NRXN1: variants seen among roughly 807,000 people sequenced by gnomAD.
NRXN1 encodes neurexin-1.
A neutral mutation model predicts 150.9 loss-of-function variants in NRXN1; 39 were observed. That is an observed-to-expected ratio of 0.26 (90% CI 0.20 to 0.34). NRXN1 has a LOEUF of 0.34. Ranked by LOEUF, NRXN1 falls within the 10% of genes least tolerant of loss-of-function variation. The pLI is 1.00. For missense variants in NRXN1, 1,815 were observed against 1,949.9 expected, an observed-to-expected ratio of 0.93 and a Z score of 1.30; for synonymous variants, 924 against 757.0, an observed-to-expected ratio of 1.22 and a Z score of -3.62.
intron 18 of NRXN1, among the ~76,000 whole-genome samples, chr2:50,100,979 G>A (rs1700902498): frequency 6.6e-6 from 1 of 152,026 alleles, no homozygotes; most frequent in Non-Finnish European, 1.5e-5. Context: ...TAGCCTAGTG[G>A]TCTGGCATCA....
intron 18 of NRXN1, among the ~76,000 whole-genome samples, chr2:50,160,129 G>T (rs940660879): frequency 6.6e-6 from 1 of 151,974 alleles, no homozygotes; most frequent in Non-Finnish European, 1.5e-5. Context: ...TTGACATCAA[G>T]AACTAGTACA....
At chr2:50,698,197 A>G (rs1693208355) in intron 5 of NRXN1, among the ~76,000 whole-genome samples, 1 of 152,256 alleles carries the variant, frequency 6.6e-6, no homozygotes, top group South Asian at 2.1e-4. Flanking sequence ...CTCAGTAGAT[A>G]TTCGTTGACA....
At chr2:49,923,140 T>C (rs577071415) in intron 22 of NRXN1, among the ~76,000 whole-genome samples, 2 of 152,310 alleles carry the variant, frequency 1.3e-5, no homozygotes, top group East Asian at 3.9e-4. Flanking sequence ...CTTGAAGGCC[T>C]GGTCAGGCAC....
At chr2:50,774,028 T>C (rs1321197501) in intron 5 of NRXN1, among the ~76,000 whole-genome samples, 1 of 152,150 alleles carries the variant, frequency 6.6e-6, no homozygotes, top group Non-Finnish European at 1.5e-5. Context: ...CATCAGCTCA[T>C]GTTTCCCTAT....
chr2:50,685,758 G>A (rs1261087251), intron 5 of NRXN1, among the ~76,000 whole-genome samples: 1 of 152,038 alleles, frequency 6.6e-6, no homozygotes, highest in Admixed American at 6.6e-5. Context: ...CTTGTACCAT[G>A]TTCTTATTTT....
chr2:50,623,460 A>T lies in NRXN1; in HGVS notation c.988T>A (p.Tyr330Asn). Reference protein sequence around the residue: ...LMLHTGKSADYVNLALKNGAV... With the variant: ...LMLHTGKSADNVNLALKNGAV... ...CCATTTTTCAGGGCAAGATTGACAT[A>T]ATCAGCCGATTTCCCAGTGTGAAGC... Residue 330 changes from tyrosine (Y) to asparagine (N), a missense_variant, in exon 6 of 23, where the codon TAT becomes AAT. Tyr to Asn is a moderately radical substitution (Grantham distance 143). Transcript: ENST00000401669. 1 of 1,613,486 alleles carries T rather than the reference A, an allele frequency of 6.2e-7. No homozygotes were observed. Among genetic ancestry groups the T allele is most frequent in the Non-Finnish European group, 8.5e-7 (1 of 1,179,546 alleles).
intron 5 of NRXN1, among the ~76,000 whole-genome samples, chr2:50,628,751 C>T (rs1268513038): frequency 9.2e-5 from 14 of 151,356 alleles, no homozygotes; most frequent in Admixed American, 9.2e-4. Context: ...AAATTAGACC[C>T]AAAGCCACGT....
chr2:50,884,610 C>T (rs369370940), intron 5 of NRXN1, among the ~76,000 whole-genome samples: 31 of 151,652 alleles, frequency 2.0e-4, no homozygotes, highest in African/African-American at 7.0e-4. Flanking sequence ...TAAATATGAA[C>T]CATGTTTTCC....
At chr2:50,649,990 C>T (rs1167230699) in intron 5 of NRXN1, among the ~76,000 whole-genome samples, 1 of 151,952 alleles carries the variant, frequency 6.6e-6, no homozygotes, top group Non-Finnish European at 1.5e-5. Flanking sequence ...ACTCTGGTTG[C>T]ATTTATATTT....
intron 2 of NRXN1, among the ~76,000 whole-genome samples, chr2:50,991,066 G>C (rs1698471544): frequency 6.6e-6 from 1 of 151,928 alleles, no homozygotes; most frequent in South Asian, 2.1e-4. Context: ...GCCATGCTAG[G>C]AACTAGGAAT....
intron 5 of NRXN1, among the ~76,000 whole-genome samples, chr2:50,737,576 G>C (rs530303284): frequency 6.6e-6 from 1 of 152,148 alleles, no homozygotes; most frequent in Admixed American, 6.5e-5. Context: ...CATAGCATTA[G>C]TAGTGTCTAA....
At chr2:50,513,802 GAAACTTGAAAAAAA>G (rs2092543533) in intron 12 of NRXN1, among the ~76,000 whole-genome samples, 1 of 151,812 alleles carries the variant, frequency 6.6e-6, no homozygotes, top group Non-Finnish European at 1.5e-5. Context: ...TAGCTGTACA[GAAACTTGAAAAAAA>G]ACAAAAACAA....
intron 5 of NRXN1, among the ~76,000 whole-genome samples, chr2:50,625,835 G>C (rs1680925295): frequency 6.6e-6 from 1 of 152,066 alleles, no homozygotes; most frequent in Non-Finnish European, 1.5e-5. Context: ...TGGTAAAGTT[G>C]ATACGCTGGT....
chr2:50,146,380 G>T (rs148012242), intron 18 of NRXN1, among the ~76,000 whole-genome samples: 203 of 151,702 alleles, frequency 1.3e-3, no homozygotes, highest in African/African-American at 4.7e-3. Context: ...CATGCACATG[G>T]ATGTTTACTG....
At chr2:50,248,161 T>C (rs955697451) in intron 17 of NRXN1, among the ~76,000 whole-genome samples, 15 of 152,004 alleles carry the variant, frequency 9.9e-5, no homozygotes, top group African/African-American at 3.6e-4. Flanking sequence ...TTCAGGCACA[T>C]GGCCACCATA....
At chr2:50,850,124 T>G (rs1674296885) in intron 5 of NRXN1, among the ~76,000 whole-genome samples, 1 of 151,326 alleles carries the variant, frequency 6.6e-6, no homozygotes, top group South Asian at 2.1e-4. Context: ...CTGGAGAGGC[T>G]GAGGCAGGCA....
In NRXN1 at chr2:50,165,199, C is replaced by A. The variant is rs575935907; in HGVS notation, c.3546+71590G>T. ...GAAGTAGAAGGTGGAAGAAGAACGA[C>A]AAGGTGGTCTAGATAACAGTCATAT... On this transcript the variant is annotated intron_variant, in intron 18 of 22. Coordinates refer to ENST00000401669, the MANE Select transcript of NRXN1 (RefSeq NM_001330078.2). Among the ~76,000 whole-genome samples the A allele has an allele frequency of 2.0e-5, 3 of 152,276 alleles. No individual in the cohort carries two copies. The East Asian group carries it at 5.8e-4, about 29-fold the overall frequency.
chr2:50,915,301 G>C (rs1362959807), intron 5 of NRXN1, among the ~76,000 whole-genome samples: 1 of 151,578 alleles, frequency 6.6e-6, no homozygotes, highest in Admixed American at 6.6e-5. Context: ...ATTCTGTGAA[G>C]TCATTAGTAT....
chr2:50,612,541 G>C (rs935375541), intron 8 of NRXN1, among the ~76,000 whole-genome samples: 1 of 152,110 alleles, frequency 6.6e-6, no homozygotes, highest in Non-Finnish European at 1.5e-5. Flanking sequence ...GGATGTTGTT[G>C]AAATTTTATG....
Sources: allele counts gnomAD v4.1 joint callset (sites outside exome capture counted in the v4.1 genomes callset), GRCh38; gene constraint gnomAD v4.1.1; transcripts MANE v1.5; gene names NCBI Gene and HGNC (gene_info 2026-07-23, HGNC 2026-07-21).